The following FLVCR2 variants were observed in gnomAD, a reference collection of about 807,000 sequenced individuals.
The protein encoded by FLVCR2 is choline/ethanolamine transporter FLVCR2.
FLVCR2 carries 38 observed loss-of-function variants against 48.9 expected under a neutral mutation model. The observed-to-expected ratio is 0.78, with a 90% confidence interval of 0.60 to 1.02. The LOEUF (loss-of-function observed/expected upper bound fraction) is 1.02. Ranked by LOEUF, FLVCR2 falls within the 50% of genes least tolerant of loss-of-function variation. The pLI is 0.00. For synonymous variants in FLVCR2, 255 were observed against 257.0 expected, an observed-to-expected ratio of 0.99 and a Z score of 0.07; for missense variants, 664 against 663.3, an observed-to-expected ratio of 1.00 and a Z score of -0.01.
At chr14:75,596,046 A>G in intron 1 of FLVCR2, 3 of 1,296,460 alleles carry the variant, frequency 2.3e-6, no homozygotes, top group South Asian at 2.4e-5. Flanking sequence ...TACAAAGATG[A>G]CATCCAGTGT....
At chr14:75,629,577 G>A (rs988591448) in intron 3 of FLVCR2, among the ~76,000 whole-genome samples, 1 of 151,702 alleles carries the variant, frequency 6.6e-6, no homozygotes. Context: ...TGTCTCTGGT[G>A]TGTTTCACAG....
In FLVCR2 at chr14:75,579,582, G is replaced by A. The variant is rs185687959; in HGVS notation, c.610G>A (p.Val204Ile). The A allele has an allele frequency of 1.1e-5, 18 of 1,614,046 alleles. No individual in the cohort carries two copies. The highest frequency in any genetic ancestry group is 5.0e-5 in the Admixed American group (3 of 60,030). The stretch of plus-strand genomic sequence containing the variant: ...GGGCATGCCCTCCCGCATCGCTTCC[G>A]TCTGGTTCGGGGCTAATGAGGTTTC... The part of the protein sequence containing the change: ...ILGMPSRIAS[V>I]WFGANEVSTA... Residue 204 changes from valine to isoleucine, a missense_variant, in exon 1 of 10, where the codon GTC becomes ATC. Val to Ile is a conservative substitution (Grantham distance 29). Coordinates refer to ENST00000238667, the MANE Select transcript of FLVCR2 (RefSeq NM_017791.3).
chr14:75,598,299 T>C (rs1449493633), intron 1 of FLVCR2, among the ~76,000 whole-genome samples: 2 of 152,102 alleles, frequency 1.3e-5, no homozygotes, highest in Non-Finnish European at 2.9e-5. Flanking sequence ...AACCTTAGGG[T>C]TGGGGAGTTG....
intron 1 of FLVCR2, among the ~76,000 whole-genome samples, chr14:75,592,780 G>A (rs925337385): frequency 1.3e-5 from 2 of 152,012 alleles, no homozygotes; most frequent in Admixed American, 6.5e-5. Flanking sequence ...CCTGAGGTCA[G>A]GAGTTCGAGA....
At position 75,579,181 on chromosome 14, in the gene FLVCR2, C is replaced by G; in HGVS notation, c.209C>G (p.Ser70Trp). 6.2e-7 allele frequency: 1 copy of G among 1,614,116 alleles called. No homozygotes were observed. The highest frequency in any genetic ancestry group is 1.6e-4 in the Middle Eastern group (1 of 6,062). Residue 70 changes from serine (S) to tryptophan (W), a missense_variant, in exon 1 of 10, where the codon TCG (serine) becomes TGG (tryptophan). Transcript: ENST00000238667. Reference protein sequence around the residue: ...QPSGLAHPSSSGPEDLSVIKV... With the variant: ...QPSGLAHPSSWGPEDLSVIKV... The stretch of plus-strand genomic sequence containing the variant: ...AGTGGCTTGGCTCACCCCAGTAGCT[C>G]GGGCCCTGAGGACCTCAGCGTGATC...
At chr14:75,595,839 G>A (rs1889006020) in intron 1 of FLVCR2, 1 of 918,718 alleles carries the variant, frequency 1.1e-6, no homozygotes, top group Admixed American at 1.7e-5. Context: ...ACCAACATTG[G>A]CCTTTGCAGT....
rs28584191 is a variant in FLVCR2 at position 75,624,395 on chromosome 14, A to G, written c.812-217A>G. On this transcript the variant is annotated intron_variant, in intron 2 of 9. Coordinates refer to ENST00000238667, the MANE Select transcript of FLVCR2 (RefSeq NM_017791.3). ...AAAAAAAGAAAATGGCATAAAAAAT[A>G]AAAAAGTGAATGGTATCAAAGGACC... Among the ~76,000 whole-genome samples, 3 of 152,264 alleles carry G rather than the reference A, an allele frequency of 2.0e-5. No homozygotes were observed. In the South Asian group the frequency reaches 6.2e-4, roughly 32 times the overall value.
chr14:75,622,847 A>T (rs1889799605), intron 2 of FLVCR2, among the ~76,000 whole-genome samples: 2 of 152,222 alleles, frequency 1.3e-5, no homozygotes, highest in Non-Finnish European at 2.9e-5. Flanking sequence ...TAAGAGTAAC[A>T]TATGCTTATT....
chr14:75,600,564 T>C (rs752808470), intron 1 of FLVCR2, among the ~76,000 whole-genome samples: 5 of 152,148 alleles, frequency 3.3e-5, no homozygotes, highest in Non-Finnish European at 7.3e-5. Context: ...TTATACTATA[T>C]TCAAAAATTA....
At chr14:75,586,793 C>A (rs1006323450) in intron 1 of FLVCR2, among the ~76,000 whole-genome samples, 6 of 152,096 alleles carry the variant, frequency 3.9e-5, no homozygotes, top group East Asian at 1.9e-4. Flanking sequence ...AACATTCTTC[C>A]TTTCGACAAG....
At position 75,633,701 on chromosome 14, in the gene FLVCR2, G is replaced by C; in HGVS notation, c.1020+5G>C. ...ATGGTGATCTGGCACTACCCGGTAA[G>C]GGAGTTCCCTAAGCATGTTGGGCCT... is the stretch of plus-strand genomic sequence containing the variant. On this transcript the variant is annotated splice_donor_5th_base_variant and intron_variant, in intron 4 of 9. Coordinates refer to ENST00000238667, the MANE Select transcript of FLVCR2 (RefSeq NM_017791.3). 1 of 1,610,672 alleles carries C rather than the reference G, an allele frequency of 6.2e-7. No individual in the cohort carries two copies. Among genetic ancestry groups the C allele is most frequent in the Non-Finnish European group, 8.5e-7 (1 of 1,176,826 alleles).
At chr14:75,621,364 C>A (rs1156617546) in intron 1 of FLVCR2, among the ~76,000 whole-genome samples, 3 of 149,714 alleles carry the variant, frequency 2.0e-5, no homozygotes, top group Admixed American at 6.7e-5. Flanking sequence ...GCCGAGATTG[C>A]GCCACTGCAC....
rs189555639 is a variant in FLVCR2 at position 75,639,605 on chromosome 14, G to A, written c.1235+143G>A. ...ATGGACATGGTGCCCAGGGGTCTCG[G>A]TAATACTTGTAGTACTTCCAAAGGC... On this transcript the variant is annotated intron_variant, in intron 6 of 9. Coordinates refer to ENST00000238667, the MANE Select transcript of FLVCR2 (RefSeq NM_017791.3). The A allele has an allele frequency of 2.4e-5, 17 of 716,400 alleles. No individual in the cohort carries two copies. In the Admixed American group the frequency reaches 3.0e-4, roughly 13 times the overall value. 44.4% of individuals were successfully genotyped at this position (716,400 alleles called of 1,614,324 possible).
intron 2 of FLVCR2, among the ~76,000 whole-genome samples, chr14:75,623,923 A>G (rs996255448): frequency 6.6e-6 from 1 of 152,124 alleles, no homozygotes; most frequent in Non-Finnish European, 1.5e-5. Flanking sequence ...TTGGTGGTGT[A>G]TGCCTGTGGT....
At chr14:75,642,661 G>A (rs1281245332) in intron 9 of FLVCR2, among the ~76,000 whole-genome samples, 2 of 152,168 alleles carry the variant, frequency 1.3e-5, no homozygotes, top group Admixed American at 6.5e-5. Flanking sequence ...ACAGAAAAGT[G>A]TACAAAATTT....
In FLVCR2 at chr14:75,622,012, C is replaced by T. The variant is rs113589721; in HGVS notation, c.670-67C>T. ...AAATTAGATTTCTTATTAGGAATCTCTTTACATTTGTGTTGTCACCTCTTG... is the reference window on the plus strand; with the variant it reads ...AAATTAGATTTCTTATTAGGAATCTTTTTACATTTGTGTTGTCACCTCTTG... On this transcript the variant is annotated intron_variant, in intron 1 of 9. Transcript: ENST00000238667. The T allele has an allele frequency of 4.6e-4, 691 of 1,509,886 alleles. 6 individuals are homozygous for T. The African/African-American group carries it at 8.3e-3, about 18-fold the overall frequency. The allele number at this position is 1,509,886 out of a possible 1,614,324, so 93.5% of individuals were successfully genotyped here.
At chr14:75,633,487 G>C in intron 3 of FLVCR2, 142 bp from the exon 4 acceptor site, 1 of 757,002 alleles carries the variant, frequency 1.3e-6, no homozygotes, top group Non-Finnish European at 2.4e-6. Context: ...AGACCTCCCT[G>C]GAGTTTTCTT....
In FLVCR2 at chr14:75,641,218, A is replaced by T; in HGVS notation, c.1378A>T (p.Ile460Phe). 1 of 1,613,984 alleles carries T rather than the reference A, an allele frequency of 6.2e-7. No individual in the cohort carries two copies. The highest frequency in any genetic ancestry group is 8.5e-7 in the Non-Finnish European group (1 of 1,179,946). The part of the protein sequence containing the change: ...GIIFTISQGQ[I>F]IDNYGTKPGN... ...CATCTTTACCATCTCCCAGGGCCAG[A>T]TTATTGACAACTATGGAACCAAGCC... Residue 460 changes from isoleucine to phenylalanine, a missense_variant, in exon 8 of 10, where the codon ATT becomes TTT. Transcript: ENST00000238667.
intron 1 of FLVCR2, among the ~76,000 whole-genome samples, chr14:75,593,939 C>T (rs1888954800): frequency 6.6e-6 from 1 of 152,212 alleles, no homozygotes; most frequent in South Asian, 2.1e-4. Flanking sequence ...ACTAATTCCA[C>T]CTTTTAGTCA....
Sources: allele counts gnomAD v4.1 joint callset (sites outside exome capture counted in the v4.1 genomes callset), GRCh38; gene constraint gnomAD v4.1.1; transcripts MANE v1.5; gene names NCBI Gene and HGNC (gene_info 2026-07-23, HGNC 2026-07-21).